Variants in ERC2 observed in about 807,000 individuals in gnomAD.
ERC2 encodes ELKS/RAB6-interacting/CAST family member 2.
A neutral mutation model predicts 114.8 loss-of-function variants in ERC2; 42 were observed. The ratio of observed to expected loss-of-function variants is 0.37; its 90% confidence interval spans 0.29 to 0.47. ERC2 has a LOEUF of 0.47. Ranked by LOEUF, ERC2 falls within the 20% of genes least tolerant of loss-of-function variation. The pLI, the probability that ERC2 is intolerant of heterozygous loss-of-function variation, is 0.99. For synonymous variants in ERC2, 454 were observed against 425.5 expected, an observed-to-expected ratio of 1.07 and a Z score of -0.82; for missense variants, 939 against 1,150.7, an observed-to-expected ratio of 0.82 and a Z score of 2.66.
chr3:55,523,576 C>A (rs2053109544), intron 17 of ERC2, among the ~76,000 whole-genome samples: 1 of 152,204 alleles, frequency 6.6e-6, no homozygotes, highest in Non-Finnish European at 1.5e-5. Flanking sequence ...TCCCCCCTCT[C>A]CCCATATGCA....
chr3:55,538,219 T>C (rs1026679867), intron 17 of ERC2, among the ~76,000 whole-genome samples: 3 of 152,230 alleles, frequency 2.0e-5, no homozygotes, highest in Non-Finnish European at 4.4e-5. Context: ...TTTCCTCCAG[T>C]TGCTGGGCTG....
At chr3:56,166,639 A>G (rs1245670437) in intron 4 of ERC2, among the ~76,000 whole-genome samples, 1 of 152,090 alleles carries the variant, frequency 6.6e-6, no homozygotes, top group East Asian at 1.9e-4. Context: ...TTGTGTTTTT[A>G]AAAAGAATTT....
chr3:55,949,135 C>A (rs138003220), intron 13 of ERC2, among the ~76,000 whole-genome samples: 1 of 151,966 alleles, frequency 6.6e-6, no homozygotes, highest in East Asian at 1.9e-4. Context: ...TTTGGGAGGC[C>A]GAGGCGGGCG....
At chr3:56,319,318 A>G (rs1460194059) in intron 2 of ERC2, among the ~76,000 whole-genome samples, 1 of 152,124 alleles carries the variant, frequency 6.6e-6, no homozygotes, top group Admixed American at 6.5e-5. Flanking sequence ...TTAAAAAAAA[A>G]AAAGAAAATT....
chr3:55,772,568 G>A (rs571331401), intron 14 of ERC2, among the ~76,000 whole-genome samples: 19 of 152,272 alleles, frequency 1.2e-4, no homozygotes, highest in African/African-American at 4.1e-4. Context: ...CGCCTGCCTC[G>A]GCCTTCCAAA....
At chr3:55,854,391 G>C (rs978696604) in intron 14 of ERC2, among the ~76,000 whole-genome samples, 2 of 150,256 alleles carry the variant, frequency 1.3e-5, no homozygotes, top group African/African-American at 5.0e-5. Flanking sequence ...TTTGGTTTTG[G>C]TTTGGTTTGG....
intron 12 of ERC2, chr3:55,955,216 G>A (rs922101016): frequency 5.9e-6 from 3 of 504,254 alleles, no homozygotes; most frequent in Non-Finnish European, 1.2e-5. Context: ...GGAGGAAATG[G>A]GATCTTCAAT....
rs2059830378 is a variant in ERC2 at position 56,383,557 on chromosome 3, A to C, written c.657+50794T>G. ...GTGCCTGGCACATAGTGGATACTCA[A>C]CAAAATGTGCTGAATGAATGAATGA... is the stretch of plus-strand genomic sequence containing the variant. On this transcript the variant is annotated intron_variant, in intron 2 of 17. Coordinates refer to ENST00000288221, the MANE Select transcript of ERC2 (RefSeq NM_015576.3). 2.0e-5 allele frequency among the ~76,000 whole-genome samples: 3 copies of C among 152,220 alleles called. No homozygotes were observed. In the South Asian group the frequency reaches 6.2e-4, roughly 32 times the overall value.
chr3:55,968,751 T>C (rs551552089), intron 12 of ERC2, among the ~76,000 whole-genome samples: 29 of 152,356 alleles, frequency 1.9e-4, no homozygotes, highest in African/African-American at 6.5e-4. Context: ...ATGAGAGATA[T>C]GTGCTAAAAA....
Position 55,815,149 on chromosome 3 carries a change from T to C in ERC2, c.2564+73240A>G, listed in dbSNP as rs914983070. Among the ~76,000 whole-genome samples the C allele has an allele frequency of 8.5e-5, 13 of 152,298 alleles. No individual in the cohort carries two copies. The East Asian group carries it at 2.3e-3, about 27-fold the overall frequency. On this transcript the variant is annotated intron_variant, in intron 14 of 17. Transcript: ENST00000288221. ...GCCACCAGTAATGCTTATTGAACAA[T>C]TACTTCAATAACTTCAATTAGGGTT...
chr3:56,401,338 C>A (rs955646910), intron 2 of ERC2, among the ~76,000 whole-genome samples: 2 of 152,126 alleles, frequency 1.3e-5, no homozygotes, highest in African/African-American at 4.8e-5. Flanking sequence ...GACTTAAACC[C>A]AAATTCCCTA....
At chr3:56,207,672 C>A (rs2048823495) in intron 3 of ERC2, among the ~76,000 whole-genome samples, 1 of 152,114 alleles carries the variant, frequency 6.6e-6, no homozygotes, top group Admixed American at 6.6e-5. Flanking sequence ...TTAAAAATAA[C>A]TTTTATGGTG....
chr3:56,117,325 C>G (rs2079293530), intron 6 of ERC2, among the ~76,000 whole-genome samples: 1 of 152,212 alleles, frequency 6.6e-6, no homozygotes, highest in Admixed American at 6.5e-5. Flanking sequence ...TCTCACTTAT[C>G]TGGTAATATG....
At chr3:56,451,008 G>T (rs757472536) in intron 1 of ERC2, among the ~76,000 whole-genome samples, 13 of 152,082 alleles carry the variant, frequency 8.5e-5, no homozygotes, top group Non-Finnish European at 1.5e-4. Context: ...TTAAGTAGTT[G>T]CACTGAAAGA....
intron 2 of ERC2, among the ~76,000 whole-genome samples, chr3:56,363,838 A>G (rs1429674968): frequency 3.3e-5 from 4 of 121,826 alleles, no homozygotes; most frequent in Non-Finnish European, 6.7e-5. Context: ...AGGGAGGGAG[A>G]GAGGGAGGGA....
chr3:56,197,997 T>C (rs2048202787), intron 3 of ERC2, among the ~76,000 whole-genome samples: 1 of 152,116 alleles, frequency 6.6e-6, no homozygotes. Context: ...ACTATAATCA[T>C]ACATTGTAGG....
intron 17 of ERC2, among the ~76,000 whole-genome samples, chr3:55,592,538 G>T (rs756044455): frequency 6.6e-6 from 1 of 152,144 alleles, no homozygotes; most frequent in Non-Finnish European, 1.5e-5. Context: ...GGTAGAAAAA[G>T]GTGAGAAGGA....
At chr3:56,261,669 A>G (rs1216637277) in intron 3 of ERC2, among the ~76,000 whole-genome samples, 1 of 152,192 alleles carries the variant, frequency 6.6e-6, no homozygotes, top group Non-Finnish European at 1.5e-5. Flanking sequence ...AGGATTCTCA[A>G]CATTGAGCTG....
intron 6 of ERC2, among the ~76,000 whole-genome samples, chr3:56,130,756 A>G (rs1452926736): frequency 6.6e-6 from 1 of 152,206 alleles, no homozygotes; most frequent in Non-Finnish European, 1.5e-5. Flanking sequence ...GTTCTGCCTT[A>G]AGAAAGCAAT....
Sources: gnomAD v4.1 joint callset for allele counts (sites outside exome capture counted in the v4.1 genomes callset) on GRCh38, gnomAD v4.1.1 for gene constraint, MANE v1.5 for transcripts, NCBI Gene and HGNC (gene_info 2026-07-23, HGNC 2026-07-21) for gene names.